SUPT3H: variants seen among roughly 807,000 people sequenced by gnomAD.
SUPT3H encodes the protein SPT3 homolog, SAGA and STAGA complex component.
Under a neutral mutation model 44.3 loss-of-function variants are expected in SUPT3H, and 44 were observed. The observed-to-expected ratio is 0.99, with a 90% confidence interval of 0.78 to 1.28. The LOEUF (loss-of-function observed/expected upper bound fraction) is 1.28. Among genes scored for constraint, SUPT3H ranks in the 50% most tolerant of loss-of-function variants. The pLI is 0.00. For synonymous variants in SUPT3H, 124 were observed against 125.6 expected, an observed-to-expected ratio of 0.99 and a Z score of 0.09; for missense variants, 380 against 387.1, an observed-to-expected ratio of 0.98 and a Z score of 0.15.
At chr6:44,991,622 C>T (rs1015622272) in intron 6 of SUPT3H, among the ~76,000 whole-genome samples, 7 of 151,884 alleles carry the variant, frequency 4.6e-5, no homozygotes, top group Admixed American at 6.6e-5. Context: ...TGGGTTCAAG[C>T]GTTAATCCAA....
chr6:45,239,882 T>C (rs1011377095), intron 2 of SUPT3H, among the ~76,000 whole-genome samples: 15 of 152,204 alleles, frequency 9.9e-5, no homozygotes, highest in African/African-American at 3.6e-4. Flanking sequence ...ACAGGGACTA[T>C]GGAACACCCC....
chr6:45,211,381 A>G (rs548284855), intron 2 of SUPT3H, among the ~76,000 whole-genome samples: 2 of 152,272 alleles, frequency 1.3e-5, no homozygotes, highest in African/African-American at 2.4e-5. Context: ...GATTCATATT[A>G]TCTCCCTTAA....
At chr6:44,961,686 T>C (rs1776045397) in intron 7 of SUPT3H, 67 bp downstream of exon 7, 9 of 1,251,988 alleles carry the variant, frequency 7.2e-6, no homozygotes, top group Non-Finnish European at 8.0e-6. Flanking sequence ...GATCCTGTCA[T>C]ACTTTAGTAC....
At position 45,174,714 on chromosome 6, in the gene SUPT3H, T is replaced by A. The variant is rs890676190; in HGVS notation, c.102-68708A>T. Among the ~76,000 whole-genome samples, 6 of 152,182 alleles carry A rather than the reference T, an allele frequency of 3.9e-5. No individual in the cohort carries two copies. The East Asian group carries it at 1.2e-3, about 29-fold the overall frequency. On this transcript the variant is annotated intron_variant, in intron 2 of 10. Coordinates refer to ENST00000371459, the MANE Select transcript of SUPT3H (RefSeq NM_003599.4). Reference sequence around the variant, plus strand: ...ATCTATAAAAAAGTTTTATATCTCATCTTCCTGATGTTCTGAAACTAAATT... The same window carrying A: ...ATCTATAAAAAAGTTTTATATCTCAACTTCCTGATGTTCTGAAACTAAATT...
chr6:45,104,325 T>TA (rs1463349180), intron 3 of SUPT3H, among the ~76,000 whole-genome samples: 1 of 152,090 alleles, frequency 6.6e-6, no homozygotes, highest in African/African-American at 2.4e-5. Context: ...CTGGTGTCCT[T>TA]ATAAGACAGG....
chr6:45,213,182 C>T (rs1313688819), intron 2 of SUPT3H, among the ~76,000 whole-genome samples: 1 of 152,196 alleles, frequency 6.6e-6, no homozygotes, highest in Admixed American at 6.5e-5. Context: ...TTGAGCTTCT[C>T]ACCACAGGAA....
At chr6:44,905,785 C>G (rs893964512) in intron 10 of SUPT3H, among the ~76,000 whole-genome samples, 1 of 152,168 alleles carries the variant, frequency 6.6e-6, no homozygotes, top group Admixed American at 6.5e-5. Flanking sequence ...GTCCAACCAA[C>G]AATGATAGAC....
chr6:45,261,179 A>C (rs1774307531), intron 2 of SUPT3H, among the ~76,000 whole-genome samples: 1 of 152,054 alleles, frequency 6.6e-6, no homozygotes, highest in South Asian at 2.1e-4. Flanking sequence ...ATTATTCCAA[A>C]AAAACCAAAA....
chr6:45,374,218 T>C (rs986942084), intron 1 of SUPT3H, among the ~76,000 whole-genome samples: 7 of 152,148 alleles, frequency 4.6e-5, no homozygotes, highest in Non-Finnish European at 5.9e-5. Flanking sequence ...GTTTACAGAA[T>C]TGGGTCTTAG....
At chr6:45,103,074 A>G (rs552313365) in intron 3 of SUPT3H, among the ~76,000 whole-genome samples, 18 of 152,244 alleles carry the variant, frequency 1.2e-4, no homozygotes, top group Non-Finnish European at 2.5e-4. Context: ...TCATGACTAC[A>G]TGATATTCCA....
intron 2 of SUPT3H, among the ~76,000 whole-genome samples, chr6:45,212,992 C>T (rs1248521878): frequency 6.6e-6 from 1 of 152,152 alleles, no homozygotes; most frequent in African/African-American, 2.4e-5. Context: ...AGAAAGGAAG[C>T]CGATTTTGAA....
Position 44,954,515 on chromosome 6 carries a change from C to T in SUPT3H, c.673G>A (p.Ala225Thr), listed in dbSNP as rs1774815706. ...CTTACCTGTGCCACAGTTTCATACG[C>T]TAAATATGCTAAGATTTCCATTGCG... ...VVAMEILAYLAYETVAQLVDL... is the reference protein window; with the variant it reads ...VVAMEILAYLTYETVAQLVDL... The change falls in exon 8 of 11, where the codon GCG (alanine) becomes ACG (threonine). Residue 225 changes from alanine (A) to threonine (T), a missense_variant. Coordinates refer to ENST00000371459, the MANE Select transcript of SUPT3H (RefSeq NM_003599.4). The T allele has an allele frequency of 1.9e-6, 3 of 1,613,764 alleles. No homozygotes were observed. Among genetic ancestry groups the T allele is most frequent in the Non-Finnish European group, 2.5e-6 (3 of 1,179,790 alleles).
At chr6:45,287,391 A>G (rs1235192247) in intron 2 of SUPT3H, among the ~76,000 whole-genome samples, 1 of 152,192 alleles carries the variant, frequency 6.6e-6, no homozygotes, top group Non-Finnish European at 1.5e-5. Flanking sequence ...CTGATAAACA[A>G]AATGCTGTAT....
At chr6:44,834,469 T>C (rs1184425085) in intron 10 of SUPT3H, among the ~76,000 whole-genome samples, 3 of 152,132 alleles carry the variant, frequency 2.0e-5, no homozygotes, top group African/African-American at 7.2e-5. Flanking sequence ...TCTGTCTGAC[T>C]GCCACAACAT....
intron 3 of SUPT3H, among the ~76,000 whole-genome samples, chr6:45,061,844 T>C (rs1792113608): frequency 6.6e-6 from 1 of 151,572 alleles, no homozygotes; most frequent in African/African-American, 2.4e-5. Flanking sequence ...AAATTCAGAG[T>C]TACACCCCAA....
chr6:44,992,415 T>A (rs1403124777), intron 6 of SUPT3H, among the ~76,000 whole-genome samples: 3 of 152,286 alleles, frequency 2.0e-5, no homozygotes, highest in African/African-American at 7.2e-5. Context: ...TGTGCAGTGC[T>A]GATGTCTATC....
At chr6:44,882,820 C>G (rs200026417) in intron 10 of SUPT3H, among the ~76,000 whole-genome samples, 10 of 152,012 alleles carry the variant, frequency 6.6e-5, no homozygotes, top group African/African-American at 2.2e-4. Flanking sequence ...AAAAGGCCTT[C>G]GATAAAATTC....
chr6:45,099,022 C>T (rs1354474285), intron 3 of SUPT3H: 4 of 380,552 alleles, frequency 1.1e-5, no homozygotes, highest in Admixed American at 3.6e-5. Context: ...CCTCCTCCTA[C>T]AGCAGCAGAA....
intron 9 of SUPT3H, among the ~76,000 whole-genome samples, chr6:44,944,192 G>A (rs1428612646): frequency 6.6e-6 from 1 of 152,002 alleles, no homozygotes; most frequent in African/African-American, 2.4e-5. Flanking sequence ...GAGTTAAACA[G>A]TGTAATAACT....
Sources: allele counts gnomAD v4.1 joint callset (sites outside exome capture counted in the v4.1 genomes callset), GRCh38; gene constraint gnomAD v4.1.1; transcripts MANE v1.5; gene names NCBI Gene and HGNC (gene_info 2026-07-23, HGNC 2026-07-21).